The following GABBR2 variants were observed in gnomAD, a reference collection of about 807,000 sequenced individuals.
The protein encoded by GABBR2 is G-protein coupled receptor 51.
Under a neutral mutation model 105.6 loss-of-function variants are expected in GABBR2, and 23 were observed. The ratio of observed to expected loss-of-function variants is 0.22; its 90% CI spans 0.16 to 0.31. The LOEUF is 0.31. Among genes scored for constraint, GABBR2 ranks in the 10% least tolerant of loss-of-function variants. The probability of loss-of-function intolerance (pLI) is 1.00; values close to 1 mark genes in which losing one functional copy is unlikely to be tolerated. For missense variants in GABBR2, 734 were observed against 1,245.5 expected (o/e 0.59, Z 6.18); for synonymous variants, 478 against 499.7 (o/e 0.96, Z 0.58).
intron 1 of GABBR2, among the ~76,000 whole-genome samples, chr9:98,640,456 C>T (rs1829944643): frequency 6.6e-6 from 1 of 152,114 alleles, no homozygotes; most frequent in African/African-American, 2.4e-5. Flanking sequence ...AGTGCAAATA[C>T]CCCTTCCTCC....
intron 2 of GABBR2, among the ~76,000 whole-genome samples, chr9:98,544,546 T>C (rs1828366563): frequency 6.6e-6 from 1 of 152,072 alleles, no homozygotes; most frequent in Non-Finnish European, 1.5e-5. Context: ...GAGAGGGAAA[T>C]TTCAACTGGA....
At chr9:98,648,532 G>C (rs1830061637) in intron 1 of GABBR2, among the ~76,000 whole-genome samples, 1 of 152,162 alleles carries the variant, frequency 6.6e-6, no homozygotes, top group Non-Finnish European at 1.5e-5. Context: ...GTATGACAGT[G>C]GCAAGTACTT....
chr9:98,560,191 A>G (rs1486677460), intron 2 of GABBR2, among the ~76,000 whole-genome samples: 3 of 152,158 alleles, frequency 2.0e-5, no homozygotes, highest in African/African-American at 4.8e-5. Flanking sequence ...AAATAAAATT[A>G]ATCAACAAGG....
At chr9:98,669,176 A>G (rs1378281015) in intron 1 of GABBR2, among the ~76,000 whole-genome samples, 1 of 152,032 alleles carries the variant, frequency 6.6e-6, no homozygotes. Flanking sequence ...AGAAAGGTCC[A>G]TTTTCTTCAC....
chr9:98,655,539 A>G (rs1830167959), intron 1 of GABBR2, among the ~76,000 whole-genome samples: 1 of 152,210 alleles, frequency 6.6e-6, no homozygotes, highest in Non-Finnish European at 1.5e-5. Context: ...ACATGCACAC[A>G]TGTTTATTGC....
intron 13 of GABBR2, among the ~76,000 whole-genome samples, chr9:98,336,668 G>A (rs528789160): frequency 1.9e-3 from 224 of 120,768 alleles, no homozygotes; most frequent in African/African-American, 6.3e-3. Context: ...TCACGCCACT[G>A]ACTCCAGCCT....
At chr9:98,623,750 C>G (rs1829699582) in intron 1 of GABBR2, among the ~76,000 whole-genome samples, 1 of 152,180 alleles carries the variant, frequency 6.6e-6, no homozygotes, top group Admixed American at 6.5e-5. Flanking sequence ...TTCTAAGATC[C>G]CTGTGTTACT....
rs114692578 is a variant in GABBR2 at position 98,318,814 on chromosome 9, T to A, written c.1894-7609A>T. Among the ~76,000 whole-genome samples, 964 of 152,238 alleles carry A rather than the reference T, an allele frequency of 6.3e-3. 16 individuals carry two copies. The highest frequency in any genetic ancestry group is 0.022 in the African/African-American group (934 of 41,530). ...TCTTTTCTTTTTTCAAATTCCAAAG[T>A]TGATTTTTAAAGTATATGGTAAAAT... On this transcript the variant is annotated intron_variant, in intron 13 of 18. Coordinates refer to ENST00000259455, the MANE Select transcript of GABBR2 (RefSeq NM_005458.8).
chr9:98,452,236 G>T (rs764877202), intron 7 of GABBR2, among the ~76,000 whole-genome samples: 6 of 152,188 alleles, frequency 3.9e-5, no homozygotes, highest in Non-Finnish European at 7.3e-5. Flanking sequence ...AGCCAGCTCA[G>T]CTTATCTACC....
chr9:98,387,046 G>A (rs997729567), intron 10 of GABBR2, among the ~76,000 whole-genome samples: 2 of 152,128 alleles, frequency 1.3e-5, no homozygotes, highest in Non-Finnish European at 2.9e-5. Context: ...CTACTTAGGT[G>A]CCTCAATTCT....
intron 1 of GABBR2, among the ~76,000 whole-genome samples, chr9:98,587,852 A>T (rs971142548): frequency 3.9e-5 from 6 of 152,180 alleles, no homozygotes; most frequent in Non-Finnish European, 7.4e-5. Context: ...CTTCTATTTT[A>T]CTTTTCCTCA....
chr9:98,705,581 CA>C, intron 1 of GABBR2, among the ~76,000 whole-genome samples: 1 of 152,336 alleles, frequency 6.6e-6, no homozygotes, highest in East Asian at 1.9e-4. Context: ...ACACAGCCTG[CA>C]AATAATTAGG....
chr9:98,500,299 C>T (rs1827373236), intron 3 of GABBR2, among the ~76,000 whole-genome samples: 1 of 152,200 alleles, frequency 6.6e-6, no homozygotes, highest in African/African-American at 2.4e-5. Context: ...GCATATTGGG[C>T]CAAGTGAGGC....
chr9:98,444,540 G>T, intron 7 of GABBR2, among the ~76,000 whole-genome samples: 1 of 152,194 alleles, frequency 6.6e-6, no homozygotes, highest in East Asian at 1.9e-4. Context: ...TTATTAGCAT[G>T]AGTGAATAAA....
intron 11 of GABBR2, among the ~76,000 whole-genome samples, chr9:98,379,797 A>G (rs1239479086): frequency 6.6e-6 from 1 of 152,196 alleles, no homozygotes; most frequent in Non-Finnish European, 1.5e-5. Flanking sequence ...CAGAAGAGGA[A>G]ACTAAGGTTC....
chr9:98,578,391 C>T (rs1356802444), intron 1 of GABBR2, among the ~76,000 whole-genome samples: 1 of 151,902 alleles, frequency 6.6e-6, no homozygotes, highest in Non-Finnish European at 1.5e-5. Context: ...TTTTCATGGC[C>T]ATTTATATTT....
rs1491205523 is a variant in GABBR2 at position 98,659,484 on chromosome 9, TTC to T, written c.321+48931_321+48932del. Among the ~76,000 whole-genome samples the T allele has an allele frequency of 4.0e-3, 323 of 81,192 alleles. 1 individual carries two copies. The highest frequency in any genetic ancestry group is 5.4e-3 in the Non-Finnish European group (209 of 38,982). 53.3% of individuals were successfully genotyped at this position (81,192 alleles called of 152,430 possible). On this transcript the variant is annotated intron_variant, in intron 1 of 18. Transcript: ENST00000259455. Reference sequence around the variant, plus strand: ...AGTCACAGTCCCATATTATTTCTTCTTCTTTTTTTTTTAAACAACCTTTTTTC... The same window carrying T: ...AGTCACAGTCCCATATTATTTCTTCTTTTTTTTTTTAAACAACCTTTTTTC...
intron 7 of GABBR2, among the ~76,000 whole-genome samples, chr9:98,419,101 G>C (rs559028088): frequency 2.6e-5 from 4 of 152,266 alleles, no homozygotes; most frequent in Non-Finnish European, 4.4e-5. Flanking sequence ...ATTGGCCCGG[G>C]GGGGCGGTGG....
At chr9:98,473,012 A>G in intron 6 of GABBR2, 134 bp downstream of exon 6, 1 of 681,206 alleles carries the variant, frequency 1.5e-6, no homozygotes, top group Admixed American at 2.3e-5. Flanking sequence ...TTACAGGTAC[A>G]AGAGGCTCAG....
Sources: allele counts gnomAD v4.1 joint callset (sites outside exome capture counted in the v4.1 genomes callset), GRCh38; gene constraint gnomAD v4.1.1; transcripts MANE v1.5; gene names NCBI Gene and HGNC (gene_info 2026-07-23, HGNC 2026-07-21).